SHANK2: variants seen among roughly 807,000 people sequenced by gnomAD.
The protein encoded by SHANK2 is SH3 and multiple ankyrin repeat domains 2.
In SHANK2, 43 loss-of-function variants were observed where a neutral mutation model predicts 133.7. That is an observed-to-expected ratio of 0.32 (90% CI 0.25 to 0.41). SHANK2 has a LOEUF of 0.41. Ranked by LOEUF, SHANK2 falls within the 10% of genes least tolerant of loss-of-function variation. The pLI, the probability that SHANK2 is intolerant of heterozygous loss-of-function variation, is 1.00. For missense variants in SHANK2, 1,994 were observed against 2,235.8 expected (o/e 0.89, Z 2.18); for synonymous variants, 1,017 against 952.8 (o/e 1.07, Z -1.24).
chr11:70,625,933 C>A (rs1039486081), intron 17 of SHANK2, among the ~76,000 whole-genome samples: 1 of 151,744 alleles, frequency 6.6e-6, no homozygotes, highest in Admixed American at 6.6e-5. Flanking sequence ...ACCAGGCCAG[C>A]GTGGGACCTG....
intron 14 of SHANK2, among the ~76,000 whole-genome samples, chr11:70,788,685 C>A (rs561957969): frequency 6.6e-6 from 1 of 152,260 alleles, no homozygotes; most frequent in Admixed American, 6.5e-5. Context: ...TTGGTAAAAC[C>A]AAGAGGTCCC....
At chr11:70,787,035 T>TCAA (rs1947671228) in intron 14 of SHANK2, among the ~76,000 whole-genome samples, 1 of 137,264 alleles carries the variant, frequency 7.3e-6, no homozygotes, top group Non-Finnish European at 1.6e-5. Context: ...ATCACCATCA[T>TCAA]CACCAAGATC....
Position 70,479,746 on chromosome 11 carries a change from C to T in SHANK2, c.4979+5568G>A, listed in dbSNP as rs1241726280. ...GTGAAGCTGACCTCTGCCATGGAAG[C>T]GATGGTAAAGAACATCAGATTTATC... On this transcript the variant is annotated intron_variant, in intron 25 of 25. Coordinates refer to ENST00000601538, the MANE Select transcript of SHANK2 (RefSeq NM_012309.5). The surrounding 1 kb of genome is among the most constrained non-coding windows in gnomAD (Gnocchi z 4.4). Among the ~76,000 whole-genome samples, 10 of 152,224 alleles carry T rather than the reference C, an allele frequency of 6.6e-5. No individual in the cohort carries two copies. The highest frequency in any genetic ancestry group is 1.3e-4 in the Admixed American group (2 of 15,286).
At chr11:71,247,329 T>C (rs1268324013) in intron 1 of SHANK2, among the ~76,000 whole-genome samples, 1 of 152,234 alleles carries the variant, frequency 6.6e-6, no homozygotes, top group Non-Finnish European at 1.5e-5. Flanking sequence ...AGAAAAATTT[T>C]AGACGTTGAC....
At chr11:70,497,869 C>T (rs1565539361) in intron 21 of SHANK2, among the ~76,000 whole-genome samples, 1 of 152,268 alleles carries the variant, frequency 6.6e-6, no homozygotes. Flanking sequence ...ATAGGCTCTG[C>T]ACTGAAGTGA....
At chr11:70,832,862 G>C (rs535778004) in intron 11 of SHANK2, among the ~76,000 whole-genome samples, 2 of 152,344 alleles carry the variant, frequency 1.3e-5, no homozygotes, top group East Asian at 3.9e-4. Flanking sequence ...GGTGCAGCCA[G>C]GACAGCATCC....
intron 1 of SHANK2, among the ~76,000 whole-genome samples, chr11:71,228,848 A>G (rs1184883746): frequency 2.0e-5 from 3 of 152,302 alleles, no homozygotes; most frequent in Admixed American, 2.0e-4. Context: ...GAAATCTTTA[A>G]CAAAGGAGTA....
At chr11:70,943,450 T>C (rs1555084739) in intron 10 of SHANK2, among the ~76,000 whole-genome samples, 1 of 152,134 alleles carries the variant, frequency 6.6e-6, no homozygotes, top group Non-Finnish European at 1.5e-5. Context: ...GCCAGGCTGC[T>C]AAGCAGGCCA....
At chr11:70,516,803 T>G (rs2059271370) in intron 17 of SHANK2, among the ~76,000 whole-genome samples, 1 of 152,128 alleles carries the variant, frequency 6.6e-6, no homozygotes, top group Non-Finnish European at 1.5e-5. Context: ...GCATGGTGGC[T>G]CATGCTTGTA....
At chr11:70,834,644 C>T (rs530620599) in intron 11 of SHANK2, among the ~76,000 whole-genome samples, 1 of 152,306 alleles carries the variant, frequency 6.6e-6, no homozygotes, top group African/African-American at 2.4e-5. Context: ...AACATTTCTC[C>T]ATCTCACAAT....
chr11:71,203,088 G>A (rs1374589282), intron 2 of SHANK2, among the ~76,000 whole-genome samples: 1 of 152,230 alleles, frequency 6.6e-6, no homozygotes, highest in Non-Finnish European at 1.5e-5. Context: ...TGGGGTTCCA[G>A]TGATCTCAGG....
chr11:70,881,574 TTAATAATAATAA>T (rs71049950), intron 11 of SHANK2, among the ~76,000 whole-genome samples: 1 of 39,338 alleles, frequency 2.5e-5, no homozygotes, highest in African/African-American at 4.2e-5. Flanking sequence ...AATAATAATA[TTAATAATAATAA>T]TAATAATAAT....
chr11:70,662,305 C>T (rs1186483110), intron 15 of SHANK2: 1 of 165,634 alleles, frequency 6.0e-6, no homozygotes, highest in Admixed American at 5.8e-5. Flanking sequence ...GTCCCGGCGC[C>T]GGCGGTGTGC....
chr11:70,814,754 G>C (rs1362242389), intron 12 of SHANK2, among the ~76,000 whole-genome samples: 2 of 152,230 alleles, frequency 1.3e-5, no homozygotes, highest in Admixed American at 1.3e-4. Context: ...TCCACCAACT[G>C]AACTCAAAAG....
intron 14 of SHANK2, among the ~76,000 whole-genome samples, chr11:70,741,857 T>C (rs1231479419): frequency 6.6e-6 from 1 of 152,194 alleles, no homozygotes; most frequent in Non-Finnish European, 1.5e-5. Context: ...AGAAGGCATA[T>C]TTAACTCTAG....
At chr11:71,084,515 G>A (rs1951351365) in intron 8 of SHANK2, among the ~76,000 whole-genome samples, 2 of 152,190 alleles carry the variant, frequency 1.3e-5, no homozygotes, top group East Asian at 1.9e-4. Flanking sequence ...TCTCCCACAC[G>A]ATGAACGCCC....
chr11:70,633,628 G>T (rs148823569), intron 17 of SHANK2: 3 of 152,234 alleles, frequency 2.0e-5, no homozygotes, highest in Non-Finnish European at 4.4e-5. Flanking sequence ...CCAGGATTAG[G>T]AAGTCATCAG....
At chr11:71,152,158 G>A (rs1396122111) in intron 2 of SHANK2, among the ~76,000 whole-genome samples, 1 of 152,132 alleles carries the variant, frequency 6.6e-6, no homozygotes, top group African/African-American at 2.4e-5. Flanking sequence ...TGTCGCCCAG[G>A]CCAGAGTGCA....
At chr11:70,639,005 CAAAAAAACAA>C (rs2061142812) in intron 17 of SHANK2, among the ~76,000 whole-genome samples, 1 of 150,252 alleles carries the variant, frequency 6.7e-6, no homozygotes, top group Non-Finnish European at 1.5e-5. Flanking sequence ...CTCAAAAAAA[CAAAAAAACAA>C]AAAAAAAACA....
Sources: gnomAD v4.1 joint callset for allele counts (sites outside exome capture counted in the v4.1 genomes callset) on GRCh38, gnomAD v4.1.1 for gene constraint, Gnocchi (gnomAD v3.1) non-coding constraint, MANE v1.5 for transcripts, NCBI Gene and HGNC (gene_info 2026-07-23, HGNC 2026-07-21) for gene names.